Variants in FYB1 observed in about 807,000 individuals in gnomAD.
FYB1 encodes FYN-binding protein 1.
FYB1 carries 41 observed loss-of-function variants against 94.1 expected under a neutral mutation model. That is an observed-to-expected ratio of 0.44 (90% CI 0.34 to 0.57). The LOEUF is 0.57. Ranked by LOEUF, FYB1 falls within the 20% of genes least tolerant of loss-of-function variation. The probability of loss-of-function intolerance (pLI) is 0.02; values close to 1 mark genes in which losing one functional copy is unlikely to be tolerated. For missense variants in FYB1, 1,050 were observed against 976.8 expected, an observed-to-expected ratio of 1.07 and a Z score of -1.00; for synonymous variants, 367 against 353.2, an observed-to-expected ratio of 1.04 and a Z score of -0.44.
At position 39,135,012 on chromosome 5, in the gene FYB1, T is replaced by A. The variant is rs1159302797; in HGVS notation, c.1518A>T (p.Leu506=). 1.2e-6 allele frequency: 2 copies of A among 1,612,010 alleles called. No individual in the cohort carries two copies. Among genetic ancestry groups the A allele is most frequent in the Non-Finnish European group, 1.7e-6 (2 of 1,179,136 alleles). The part of the protein sequence containing the change: ...KEQEIKKKFK[L]TGPIQVIHLA... ...GATGGATGACTTGAATAGGGCCTGT[T>A]AGCTGCAAAGAGAAAAAAATAGTCA... Residue 506 remains leucine, a splice_region_variant and synonymous_variant, in exon 8 of 19, where the codon CTA becomes CTT. Transcript: ENST00000512982.
intron 2 of FYB1, among the ~76,000 whole-genome samples, chr5:39,156,376 G>A (rs561621008): frequency 1.3e-5 from 2 of 152,320 alleles, no homozygotes; most frequent in Admixed American, 6.5e-5. Context: ...TCCTCCTTGA[G>A]TTGCCAGCAG....
intron 2 of FYB1, among the ~76,000 whole-genome samples, chr5:39,190,455 AG>A (rs1303335468): frequency 6.6e-6 from 1 of 152,102 alleles, no homozygotes; most frequent in Non-Finnish European, 1.5e-5. Flanking sequence ...TGGGGAGAGC[AG>A]GGCCCCCAGC....
intron 7 of FYB1, among the ~76,000 whole-genome samples, chr5:39,136,743 C>A (rs955412053): frequency 6.6e-6 from 1 of 152,140 alleles, no homozygotes; most frequent in Non-Finnish European, 1.5e-5. Flanking sequence ...TGCATTGAAC[C>A]TTTGCTTTAA....
At chr5:39,127,650 A>G (rs1740820185) in intron 11 of FYB1, 91 bp downstream of exon 11, 1 of 1,383,560 alleles carries the variant, frequency 7.2e-7, no homozygotes, top group South Asian at 1.5e-5. Flanking sequence ...AAAGAACACT[A>G]TTTTCCGCTT....
chr5:39,180,512 G>C (rs1298786505), intron 2 of FYB1, among the ~76,000 whole-genome samples: 3 of 152,168 alleles, frequency 2.0e-5, no homozygotes, highest in South Asian at 2.1e-4. Context: ...CTATTGAAAG[G>C]CTGACCAGAC....
intron 1 of FYB1, among the ~76,000 whole-genome samples, chr5:39,228,352 T>C (rs1750573021): frequency 6.6e-6 from 1 of 152,178 alleles, no homozygotes; most frequent in African/African-American, 2.4e-5. Context: ...GATGACAAAA[T>C]CTTTGCCAGT....
chr5:39,210,791 G>A lies in FYB1; in HGVS notation c.-27-7804C>T, dbSNP rs117958489. On this transcript the variant is annotated intron_variant, in intron 1 of 18. Transcript: ENST00000512982. ...CTCAGGAGGCTGATGTGGGAAGACCGCTTGAGCCCAAGGGTTTGAGTTCAT... is the reference window on the plus strand; with the variant it reads ...CTCAGGAGGCTGATGTGGGAAGACCACTTGAGCCCAAGGGTTTGAGTTCAT... Among the ~76,000 whole-genome samples the A allele has an allele frequency of 2.6e-3, 389 of 152,298 alleles. 14 individuals carry two copies. The East Asian group carries it at 0.066, about 26-fold the overall frequency.
intron 1 of FYB1, among the ~76,000 whole-genome samples, chr5:39,270,984 C>T (rs1477672146): frequency 2.0e-5 from 3 of 150,968 alleles, no homozygotes; most frequent in Non-Finnish European, 4.4e-5. Flanking sequence ...AGACTCACAC[C>T]AAAATGTGAA....
At position 39,139,494 on chromosome 5, in the gene FYB1, C is replaced by T. The variant is rs114181081; in HGVS notation, c.1340-242G>A. 800 of 285,276 alleles carry T rather than the reference C, an allele frequency of 2.8e-3. 3 individuals are homozygous for T. Among genetic ancestry groups the T allele is most frequent in the African/African-American group, 0.011 (507 of 45,918 alleles). 17.7% of individuals were successfully genotyped at this position (285,276 alleles called of 1,614,324 possible). On this transcript the variant is annotated intron_variant, in intron 4 of 18. Coordinates refer to ENST00000512982, the MANE Select transcript of FYB1 (RefSeq NM_001465.6). ...GGCTTTCATAAAATAATGCAAAGGGCGAAAAATAATTAATACACTGTTTAT... is the reference window on the plus strand; with the variant it reads ...GGCTTTCATAAAATAATGCAAAGGGTGAAAAATAATTAATACACTGTTTAT...
At chr5:39,199,862 A>C (rs1748161111) in intron 2 of FYB1, among the ~76,000 whole-genome samples, 1 of 152,336 alleles carries the variant, frequency 6.6e-6, no homozygotes, top group Admixed American at 6.5e-5. Flanking sequence ...AAGATAAAAG[A>C]ATTCAAATGC....
intron 1 of FYB1, among the ~76,000 whole-genome samples, chr5:39,268,034 T>G (rs558844262): frequency 6.6e-6 from 1 of 152,212 alleles, no homozygotes; most frequent in South Asian, 2.1e-4. Context: ...ACATTGTAAC[T>G]CCAATATTAT....
Position 39,119,650 on chromosome 5 carries a change from A to G in FYB1, c.2139-16T>C. 1 of 1,486,504 alleles carries G rather than the reference A, an allele frequency of 6.7e-7. No individual in the cohort carries two copies. The highest frequency in any genetic ancestry group is 8.9e-7 in the Non-Finnish European group (1 of 1,119,838). 92.1% of individuals were successfully genotyped at this position (1,486,504 alleles called of 1,614,324 possible). A position where few individuals can be genotyped will look rare whatever the true frequency, so the allele number is the denominator to read the frequency against. ...AGTTCCTTGACTAGAACGGCAGAACACACATAAAACAACACTTTGTTTAGA... is the reference window on the plus strand; with the variant it reads ...AGTTCCTTGACTAGAACGGCAGAACGCACATAAAACAACACTTTGTTTAGA... On this transcript the variant is annotated splice_polypyrimidine_tract_variant and intron_variant, in intron 14 of 18. Transcript: ENST00000512982.
At chr5:39,129,257 T>C (rs1561145996) in intron 10 of FYB1, among the ~76,000 whole-genome samples, 1 of 151,836 alleles carries the variant, frequency 6.6e-6, no homozygotes, top group African/African-American at 2.4e-5. Context: ...GATATCCATA[T>C]GGAAAAAGAA....
chr5:39,162,136 G>C (rs903116938), intron 2 of FYB1, among the ~76,000 whole-genome samples: 4 of 152,116 alleles, frequency 2.6e-5, no homozygotes, highest in African/African-American at 9.7e-5. Flanking sequence ...ACAGAATGCT[G>C]CTATGAACGT....
At chr5:39,159,554 T>C (rs1312720680) in intron 2 of FYB1, among the ~76,000 whole-genome samples, 1 of 152,218 alleles carries the variant, frequency 6.6e-6, no homozygotes, top group African/African-American at 2.4e-5. Context: ...TCCCAGACCC[T>C]ACCCTTGCCT....
chr5:39,236,750 C>T (rs1233741127), intron 1 of FYB1, among the ~76,000 whole-genome samples: 1 of 152,120 alleles, frequency 6.6e-6, no homozygotes, highest in Non-Finnish European at 1.5e-5. Flanking sequence ...GGAAGCTAAG[C>T]TCACATTGGA....
chr5:39,106,596 T>G lies in FYB1; in HGVS notation c.*847A>C, dbSNP rs561781607. On this transcript the variant is annotated 3_prime_UTR_variant, in exon 19 of 19. Coordinates refer to ENST00000512982, the MANE Select transcript of FYB1 (RefSeq NM_001465.6). Reference sequence around the variant, plus strand: ...AAAAACAAAAACTTTAAAAAGTGTCTTCATTATAAAGAGGTGCCATGCATA... The same window carrying G: ...AAAAACAAAAACTTTAAAAAGTGTCGTCATTATAAAGAGGTGCCATGCATA... 6.6e-6 allele frequency: 1 copy of G among 152,198 alleles called. No homozygotes were observed. Among genetic ancestry groups the G allele is most frequent in the South Asian group, 2.1e-4 (1 of 4,824 alleles). 9.4% of individuals were successfully genotyped at this position (152,198 alleles called of 1,614,324 possible). A position where few individuals can be genotyped will look rare whatever the true frequency, so the allele number is the denominator to read the frequency against.
chr5:39,178,852 A>C (rs1745965225), intron 2 of FYB1, among the ~76,000 whole-genome samples: 1 of 152,140 alleles, frequency 6.6e-6, no homozygotes, highest in African/African-American at 2.4e-5. Flanking sequence ...GTACCGGATA[A>C]TTTTCTTATA....
rs113081382 is a variant in FYB1 at position 39,262,026 on chromosome 5, G to C, written c.-28+12377C>G. On this transcript the variant is annotated intron_variant, in intron 1 of 1. Coordinates refer to the FYB1 transcript ENST00000510188. The stretch of plus-strand genomic sequence containing the variant: ...GATTAAAGACCTAAACATGAAAATG[G>C]AGTCTTAAAAACAAGAACACTTCAA... Among the ~76,000 whole-genome samples, 21 of 152,242 alleles carry C rather than the reference G, an allele frequency of 1.4e-4. 2 individuals are homozygous for C. Among genetic ancestry groups the C allele is most frequent in the African/African-American group, 4.8e-4 (20 of 41,548 alleles).
Sources: allele counts gnomAD v4.1 joint callset (sites outside exome capture counted in the v4.1 genomes callset), GRCh38; gene constraint gnomAD v4.1.1; transcripts MANE v1.5; gene names NCBI Gene and HGNC (gene_info 2026-07-23, HGNC 2026-07-21).